Variants in EPB41L4B observed in about 807,000 individuals in gnomAD.
EPB41L4B encodes band 4.1-like protein 4B.
In EPB41L4B, 30 loss-of-function variants were observed where a neutral mutation model predicts 112.5. The ratio of observed to expected loss-of-function variants is 0.27; its 90% CI spans 0.20 to 0.36. The LOEUF (loss-of-function observed/expected upper bound fraction) is 0.36. Ranked by LOEUF, EPB41L4B falls within the 10% of genes least tolerant of loss-of-function variation. EPB41L4B has a pLI of 1.00. For synonymous variants in EPB41L4B, 408 were observed against 439.7 expected, an observed-to-expected ratio of 0.93 and a Z score of 0.90; for missense variants, 1,024 against 1,133.3, an observed-to-expected ratio of 0.90 and a Z score of 1.38.
chr9:109,269,387 A>G (rs1835528870), intron 2 of EPB41L4B, among the ~76,000 whole-genome samples: 1 of 152,168 alleles, frequency 6.6e-6, no homozygotes, highest in Non-Finnish European at 1.5e-5. Flanking sequence ...CTCACACAAA[A>G]GTTTCTCTAT....
In EPB41L4B at chr9:109,309,328, C is replaced by T. The variant is rs571073671; in HGVS notation, c.306+10813G>A. On this transcript the variant is annotated intron_variant, in intron 1 of 25. Transcript: ENST00000374566. ...TGCTCTCACAAAAAGCCACCAGCAGCAACCAACTTCAGCTCATTCACAGTG... is the reference window on the plus strand; with the variant it reads ...TGCTCTCACAAAAAGCCACCAGCAGTAACCAACTTCAGCTCATTCACAGTG... Among the ~76,000 whole-genome samples the T allele has an allele frequency of 9.8e-5, 15 of 152,288 alleles. No homozygotes were observed. The East Asian group carries it at 2.9e-3, about 29-fold the overall frequency.
In EPB41L4B at chr9:109,185,472, C is replaced by T. The variant is rs1588119032; in HGVS notation, c.2418+17G>A. 1.9e-6 allele frequency: 3 copies of T among 1,610,956 alleles called. No individual in the cohort carries two copies. Among genetic ancestry groups the T allele is most frequent in the South Asian group, 1.1e-5 (1 of 91,000 alleles). On this transcript the variant is annotated intron_variant, in intron 23 of 25. Transcript: ENST00000374566. ...CACCTCTCCTGGCCAGGCCCCTCTC[C>T]CTGCCAGGGTACCTACCAGCCTCGT... is the stretch of plus-strand genomic sequence containing the variant.
intron 22 of EPB41L4B, among the ~76,000 whole-genome samples, chr9:109,186,307 C>A (rs1832263286): frequency 6.6e-6 from 1 of 151,956 alleles, no homozygotes; most frequent in Non-Finnish European, 1.5e-5. Context: ...CCTGCCTCAG[C>A]CCCCAAAGTA....
chr9:109,308,239 G>C (rs111244584), intron 1 of EPB41L4B, among the ~76,000 whole-genome samples: 2 of 152,034 alleles, frequency 1.3e-5, no homozygotes, highest in Non-Finnish European at 2.9e-5. Flanking sequence ...ACCCACACTC[G>C]AGGAAGACAT....
At chr9:109,318,175 G>C (rs1837703949) in intron 1 of EPB41L4B, among the ~76,000 whole-genome samples, 1 of 150,990 alleles carries the variant, frequency 6.6e-6, no homozygotes, top group Non-Finnish European at 1.5e-5. Context: ...GTGTGTGTGT[G>C]TGTGTGCACG....
At chr9:109,296,298 T>C (rs1418415534) in intron 1 of EPB41L4B, among the ~76,000 whole-genome samples, 1 of 152,186 alleles carries the variant, frequency 6.6e-6, no homozygotes, top group African/African-American at 2.4e-5. Context: ...TGTTCCCCCA[T>C]AAGCCATGAA....
intron 2 of EPB41L4B, among the ~76,000 whole-genome samples, chr9:109,272,133 T>A (rs1835646226): frequency 1.3e-5 from 2 of 152,090 alleles, no homozygotes; most frequent in Non-Finnish European, 2.9e-5. Context: ...ATAACGGGAT[T>A]TCTAGGACCT....
intron 19 of EPB41L4B, among the ~76,000 whole-genome samples, chr9:109,203,072 T>C (rs1412241044): frequency 2.6e-5 from 4 of 152,148 alleles, no homozygotes; most frequent in Non-Finnish European, 5.9e-5. Context: ...AAGAATTGCT[T>C]GAATCTGGGA....
At position 109,320,480 on chromosome 9, in the gene EPB41L4B, GCGCTGCCGCTGCCGCTGC is replaced by G. The variant is rs556107644; in HGVS notation, c.-52_-35del. 7.6e-6 allele frequency: 7 copies of G among 923,520 alleles called. No homozygotes were observed. Among genetic ancestry groups the G allele is most frequent in the Admixed American group, 6.4e-5 (1 of 15,646 alleles). The allele number at this position is 923,520 out of a possible 1,614,324, so 57.2% of individuals were successfully genotyped here. ...GGGGCGCCCCCTGCCTCCGCCCCCT[GCGCTGCCGCTGCCGCTGC>G]CGCTGCCGCTGCGCCGCCGCCCGGG... is the stretch of plus-strand genomic sequence containing the variant. On this transcript the variant is annotated 5_prime_UTR_variant, in exon 1 of 26. Transcript: ENST00000374566.
intron 1 of EPB41L4B, among the ~76,000 whole-genome samples, chr9:109,298,618 C>T (rs978467460): frequency 5.3e-5 from 8 of 152,122 alleles, no homozygotes; most frequent in African/African-American, 1.2e-4. Flanking sequence ...GGCCCATATA[C>T]GCATTTTTAA....
rs1185737496 is a variant in EPB41L4B at position 109,243,489 on chromosome 9, G to A, written c.1409+129C>T. On this transcript the variant is annotated intron_variant, in intron 15 of 25. Coordinates refer to ENST00000374566, the MANE Select transcript of EPB41L4B (RefSeq NM_019114.5). Reference sequence around the variant, plus strand: ...TTTGCTTTGAAAATTTATTCATCTCGGCCATGACAATGCATCCCTTAAGGG... The same window carrying A: ...TTTGCTTTGAAAATTTATTCATCTCAGCCATGACAATGCATCCCTTAAGGG... 1.1e-5 allele frequency: 8 copies of A among 754,798 alleles called. No individual in the cohort carries two copies. The East Asian group carries it at 1.1e-4, about 10-fold the overall frequency. The allele number at this position is 754,798 out of a possible 1,614,324, so 46.8% of individuals were successfully genotyped here.
At chr9:109,284,043 T>C (rs1054620932) in intron 1 of EPB41L4B, among the ~76,000 whole-genome samples, 3 of 151,998 alleles carry the variant, frequency 2.0e-5, no homozygotes. Flanking sequence ...ATAAGCTGCA[T>C]TGTACCTCTA....
intron 23 of EPB41L4B, among the ~76,000 whole-genome samples, chr9:109,183,822 C>T (rs986805522): frequency 1.3e-5 from 2 of 152,222 alleles, no homozygotes; most frequent in South Asian, 2.1e-4. Context: ...GATAGCTACT[C>T]AATGCTCTTC....
intron 3 of EPB41L4B, 150 bp from the exon 4 acceptor site, chr9:109,267,701 C>T (rs1485155364): frequency 3.4e-6 from 2 of 585,444 alleles, no homozygotes; most frequent in Admixed American, 6.3e-5. Flanking sequence ...CAATTCTTTT[C>T]AGTCCTCATC....
At chr9:109,176,046 A>G (rs1339233716) in intron 25 of EPB41L4B, among the ~76,000 whole-genome samples, 1 of 29,172 alleles carries the variant, frequency 3.4e-5, no homozygotes. Flanking sequence ...AATATCACAC[A>G]CACGCACACA....
At chr9:109,176,819 G>A (rs750522788) in intron 24 of EPB41L4B, 123 bp from the exon 25 acceptor site, 7 of 1,082,224 alleles carry the variant, frequency 6.5e-6, no homozygotes, top group Non-Finnish European at 9.4e-6. Flanking sequence ...AAAATCGATT[G>A]TCATTTTAAG....
At position 109,280,039 on chromosome 9, in the gene EPB41L4B, T is replaced by A. The variant is rs1588203634; in HGVS notation, c.307-118A>T. ...GCATACATGTCAGCACACACAAATT[T>A]TTAAATTTGTAATTAGTTTGATTAT... On this transcript the variant is annotated intron_variant, in intron 1 of 25. Transcript: ENST00000374566. The A allele has an allele frequency of 6.0e-6, 4 of 668,994 alleles. No homozygotes were observed. In the Admixed American group the frequency reaches 1.2e-4, roughly 20 times the overall value. The allele number at this position is 668,994 out of a possible 1,614,324, so 41.4% of individuals were successfully genotyped here.
At chr9:109,286,591 G>A (rs921387408) in intron 1 of EPB41L4B, among the ~76,000 whole-genome samples, 7 of 152,086 alleles carry the variant, frequency 4.6e-5, no homozygotes, top group African/African-American at 9.7e-5. Flanking sequence ...TCTCTGTGAC[G>A]AATTCATCCA....
At chr9:109,200,766 A>G (rs1832795830) in intron 19 of EPB41L4B, among the ~76,000 whole-genome samples, 1 of 151,826 alleles carries the variant, frequency 6.6e-6, no homozygotes. Flanking sequence ...CATAGCACAG[A>G]CTATATTTTT....
Sources: gnomAD v4.1 joint callset for allele counts (sites outside exome capture counted in the v4.1 genomes callset) on GRCh38, gnomAD v4.1.1 for gene constraint, MANE v1.5 for transcripts, NCBI Gene and HGNC (gene_info 2026-07-23, HGNC 2026-07-21) for gene names.